The following KTN1 variants were observed in gnomAD, a reference collection of about 807,000 sequenced individuals.
KTN1 encodes the protein kinectin 1.
A neutral mutation model predicts 222.5 loss-of-function variants in KTN1; 130 were observed. The observed-to-expected ratio is 0.58, with a 90% CI of 0.51 to 0.68. The LOEUF is 0.68. Ranked by LOEUF, KTN1 falls within the 30% of genes least tolerant of loss-of-function variation. The pLI, the probability that KTN1 is intolerant of heterozygous loss-of-function variation, is 0.00. For missense variants in KTN1, 1,508 were observed against 1,500.4 expected (o/e 1.01, Z -0.08); for synonymous variants, 512 against 496.3 (o/e 1.03, Z -0.42).
chr14:55,619,365 A>G, intron 5 of KTN1, 53 bp downstream of exon 5: 4 of 1,567,662 alleles, frequency 2.6e-6, no homozygotes, highest in East Asian at 2.2e-5. Context: ...TTAGAAGTTC[A>G]CCAAACAAGA....
Position 55,612,507 on chromosome 14 carries a change from C to T in KTN1, c.459C>T (p.Thr153=), listed in dbSNP as rs143382185. The part of the protein sequence containing the change: ...VEPVPVTKQP[T]PPSEAAASKK... ...CTGTCCCAGTTACTAAACAGCCCACCCCTCCCTCTGAAGCAGCTGCCTCGA... is the reference window on the plus strand; with the variant it reads ...CTGTCCCAGTTACTAAACAGCCCACTCCTCCCTCTGAAGCAGCTGCCTCGA... The change falls in exon 2 of 44, where the codon ACC becomes ACT. Residue 153 remains threonine, a synonymous_variant. Coordinates refer to ENST00000395314, the MANE Select transcript of KTN1 (RefSeq NM_001079521.2). 1.2e-6 allele frequency: 2 copies of T among 1,612,338 alleles called. No individual in the cohort carries two copies. Among genetic ancestry groups the T allele is most frequent in the African/African-American group, 2.7e-5 (2 of 74,798 alleles).
At position 55,679,591 on chromosome 14, in the gene KTN1, T is replaced by A; in HGVS notation, c.3975T>A (p.Ser1325=). 1 of 1,611,616 alleles carries A rather than the reference T, an allele frequency of 6.2e-7. No homozygotes were observed. Among genetic ancestry groups the A allele is most frequent in the South Asian group, 1.1e-5 (1 of 90,934 alleles). The change falls in exon 43 of 44, where the codon TCT becomes TCA. Residue 1325 remains serine, a synonymous_variant. Coordinates refer to ENST00000395314, the MANE Select transcript of KTN1 (RefSeq NM_001079521.2). Reference sequence around the variant, plus strand: ...AGTCTTCTGAGAAGGAGACAATGTCTGTAAGTCTAAATCAGACTGTAACAC... The same window carrying A: ...AGTCTTCTGAGAAGGAGACAATGTCAGTAAGTCTAAATCAGACTGTAACAC... ...ETESSEKETM[S]VSLNQTVTQL...
chr14:55,622,296 C>G (rs2039256384), intron 5 of KTN1, among the ~76,000 whole-genome samples: 1 of 152,072 alleles, frequency 6.6e-6, no homozygotes, highest in Non-Finnish European at 1.5e-5. Context: ...TTCAAAGAAC[C>G]TCAGGACTAT....
Position 55,597,238 on chromosome 14 carries a change from T to A in KTN1, c.-30-14781T>A, listed in dbSNP as rs73287797. Reference sequence around the variant, plus strand: ...ACTCATTTGGCTTACACTTTTTGAGTAGTATAAGCTAAACTTTGTGTAATA... The same window carrying A: ...ACTCATTTGGCTTACACTTTTTGAGAAGTATAAGCTAAACTTTGTGTAATA... On this transcript the variant is annotated intron_variant, in intron 1 of 43. Transcript: ENST00000395314. 8.4e-3 allele frequency among the ~76,000 whole-genome samples: 1,274 copies of A among 152,280 alleles called. 15 individuals are homozygous for A. The highest frequency in any genetic ancestry group is 0.028 in the African/African-American group (1,167 of 41,544).
Position 55,637,243 on chromosome 14 carries a change from T to A in KTN1, c.1595T>A (p.Leu532Gln). 2 of 1,610,778 alleles carry A rather than the reference T, an allele frequency of 1.2e-6. No individual in the cohort carries two copies. Among genetic ancestry groups the A allele is most frequent in the Non-Finnish European group, 1.7e-6 (2 of 1,177,884 alleles). The part of the protein sequence containing the change: ...FVAKENEVQS[L>Q]HSKLTDTLVS... ...GCCAAAGAAAATGAAGTACAGAGTCTGCATAGTAAGCTTACAGATACCTTG... is the reference window on the plus strand; with the variant it reads ...GCCAAAGAAAATGAAGTACAGAGTCAGCATAGTAAGCTTACAGATACCTTG... Residue 532 changes from leucine (L) to glutamine (Q), a missense_variant, in exon 11 of 44, where the codon CTG (leucine) becomes CAG (glutamine). Transcript: ENST00000395314.
At chr14:55,588,392 T>A (rs2033460350) in intron 1 of KTN1, among the ~76,000 whole-genome samples, 1 of 152,180 alleles carries the variant, frequency 6.6e-6, no homozygotes. Flanking sequence ...TTGTCATGAC[T>A]TTTCTCTGCT....
chr14:55,644,919 TA>T (rs895088333), intron 18 of KTN1, among the ~76,000 whole-genome samples: 1 of 151,938 alleles, frequency 6.6e-6, no homozygotes, highest in Non-Finnish European at 1.5e-5. Context: ...GGAACTTCAT[TA>T]AAAAAAATTC....
At chr14:55,637,421 T>A (rs1419153238) in intron 11 of KTN1, 57 bp downstream of exon 11, 1 of 1,224,648 alleles carries the variant, frequency 8.2e-7, no homozygotes, top group Non-Finnish European at 1.1e-6. Context: ...TTATTAGATC[T>A]GTGTGTCTAG....
Position 55,661,528 on chromosome 14 carries a change from A to G in KTN1, c.3006A>G (p.Ser1002=), listed in dbSNP as rs749321327. ...TATTCATGTTCTGGTTTAGAATTTC[A>G]GAAAGAGAGAAAGAAATAAGTGGTC... ...PPHEELLKVI[S]EREKEISGLW... is the part of the protein sequence containing the mutation. Residue 1002 remains serine, a synonymous_variant, in exon 32 of 44, where the codon TCA becomes TCG. Transcript: ENST00000395314. 3 of 1,581,914 alleles carry G rather than the reference A, an allele frequency of 1.9e-6. No homozygotes were observed. Among genetic ancestry groups the G allele is most frequent in the East Asian group, 2.2e-5 (1 of 44,554 alleles).
chr14:55,638,492 T>C (rs2041401354), intron 12 of KTN1, among the ~76,000 whole-genome samples: 1 of 151,916 alleles, frequency 6.6e-6, no homozygotes, highest in South Asian at 2.1e-4. Context: ...CATTTCTGTA[T>C]AAAAAGTGGT....
intron 1 of KTN1, among the ~76,000 whole-genome samples, chr14:55,601,258 G>C (rs1308434326): frequency 1.3e-5 from 2 of 152,192 alleles, no homozygotes; most frequent in Non-Finnish European, 2.9e-5. Context: ...AATAAGATGT[G>C]AGTCATAGAA....
At chr14:55,667,859 A>C (rs1196376500) in intron 34 of KTN1, 24 of 151,886 alleles carry the variant, frequency 1.6e-4, no homozygotes, top group Non-Finnish European at 3.2e-4. Flanking sequence ...AGGGCAGAGA[A>C]AGTCAGTGAA....
intron 1 of KTN1, among the ~76,000 whole-genome samples, chr14:55,598,287 T>C (rs1258808013): frequency 6.6e-6 from 1 of 151,994 alleles, no homozygotes; most frequent in East Asian, 1.9e-4. Context: ...TACAAAAAAT[T>C]AGCCGGGCGT....
rs2032122809 is a variant in KTN1, at chr14:55,583,184, G to T, written c.-31+2830G>T. Among the ~76,000 whole-genome samples the T allele has an allele frequency of 2.0e-5, 3 of 152,172 alleles. No homozygotes were observed. In the South Asian group the frequency reaches 6.2e-4, roughly 32 times the overall value. On this transcript the variant is annotated intron_variant, in intron 1 of 43. Coordinates refer to ENST00000395314, the MANE Select transcript of KTN1 (RefSeq NM_001079521.2). ...TAACCTTCTGTATCTGAGGTCTAGA[G>T]AAAGAGAAATAATGACAGTTTACAA...
At position 55,589,662 on chromosome 14, in the gene KTN1, T is replaced by C. The variant is rs1009628144; in HGVS notation, c.-31+9308T>C. 3.8e-4 allele frequency among the ~76,000 whole-genome samples: 53 copies of C among 140,914 alleles called. 2 individuals are homozygous for C. Among genetic ancestry groups the C allele is most frequent in the South Asian group, 7.3e-4 (3 of 4,102 alleles). 92.4% of individuals were successfully genotyped at this position (140,914 alleles called of 152,430 possible). A position where few individuals can be genotyped will look rare whatever the true frequency, so the allele number is the denominator to read the frequency against. On this transcript the variant is annotated intron_variant, in intron 1 of 43. Transcript: ENST00000395314. ...TACTATATTCATCTGATTTCTTTTT[T>C]TTTTTTTTTTTTTTGAGATGGAGTG...
chr14:55,627,772 C>T (rs10133729), intron 5 of KTN1, 140 bp from the exon 6 acceptor site: 39,339 of 502,674 alleles, frequency 0.078, 1,790 homozygotes, highest in South Asian at 0.1. Flanking sequence ...GCTTCATCCA[C>T]GTCCCTGCAA....
intron 9 of KTN1, among the ~76,000 whole-genome samples, chr14:55,635,563 A>C (rs1023711973): frequency 2.6e-5 from 4 of 152,322 alleles, no homozygotes; most frequent in Admixed American, 2.6e-4. Context: ...GTCCAGTGAG[A>C]TGCTTATACT....
intron 5 of KTN1, among the ~76,000 whole-genome samples, chr14:55,620,213 A>C (rs772519411): frequency 6.6e-6 from 1 of 152,172 alleles, no homozygotes; most frequent in Non-Finnish European, 1.5e-5. Flanking sequence ...GGTCTTGGGC[A>C]GCTCCGCCCC....
intron 1 of KTN1, among the ~76,000 whole-genome samples, chr14:55,586,634 GCTGT>G (rs1350037385): frequency 3.3e-5 from 5 of 152,142 alleles, no homozygotes; most frequent in Admixed American, 1.3e-4. Flanking sequence ...TCCATGTGCA[GCTGT>G]CTAATGTTAG....
Sources: gnomAD v4.1 joint callset for allele counts (sites outside exome capture counted in the v4.1 genomes callset) on GRCh38, gnomAD v4.1.1 for gene constraint, MANE v1.5 for transcripts, NCBI Gene and HGNC (gene_info 2026-07-23, HGNC 2026-07-21) for gene names.